MYO16: variants seen among roughly 807,000 people sequenced by gnomAD.
The protein encoded by MYO16 is unconventional myosin-XVI.
A neutral mutation model predicts 205.3 loss-of-function variants in MYO16; 94 were observed. That is an observed-to-expected ratio of 0.46 (90% CI 0.39 to 0.54). The LOEUF is 0.54. Among genes scored for constraint, MYO16 ranks in the 20% least tolerant of loss-of-function variants. The pLI, the probability that MYO16 is intolerant of heterozygous loss-of-function variation, is 0.00. For missense variants in MYO16, 2,315 were observed against 2,387.5 expected, an observed-to-expected ratio of 0.97 and a Z score of 0.63; for synonymous variants, 988 against 954.0, an observed-to-expected ratio of 1.04 and a Z score of -0.66.
chr13:108,725,882 C>T (rs1002764181), intron 3 of MYO16, among the ~76,000 whole-genome samples: 10 of 152,196 alleles, frequency 6.6e-5, no homozygotes, highest in African/African-American at 2.4e-4. Flanking sequence ...GGAACTCTCT[C>T]AAGGTAGGAG....
chr13:109,138,067 GT>G (rs1424718325), intron 31 of MYO16, among the ~76,000 whole-genome samples: 5 of 152,220 alleles, frequency 3.3e-5, no homozygotes, highest in African/African-American at 1.2e-4. Context: ...GTAAATACTG[GT>G]TGAATGCATA....
In MYO16 at chr13:108,715,224, C is replaced by T. The variant is rs563332199; in HGVS notation, c.363+2493C>T. 3.9e-5 allele frequency among the ~76,000 whole-genome samples: 6 copies of T among 152,274 alleles called. No homozygotes were observed. In the East Asian group the frequency reaches 9.6e-4, roughly 24 times the overall value. On this transcript the variant is annotated intron_variant, in intron 3 of 34. Coordinates refer to ENST00000457511, the MANE Select transcript of MYO16 (RefSeq NM_001198950.3). ...GTGCTCCTGCTCCGTGTGCTCTTGCCGGGTTTCCACCCAGCACATGCCTCT... is the reference window on the plus strand; with the variant it reads ...GTGCTCCTGCTCCGTGTGCTCTTGCTGGGTTTCCACCCAGCACATGCCTCT...
chr13:109,068,232 C>T (rs1887814679), intron 27 of MYO16, among the ~76,000 whole-genome samples: 1 of 152,154 alleles, frequency 6.6e-6, no homozygotes, highest in African/African-American at 2.4e-5. Context: ...CTTGAAGAAG[C>T]AGAGGGAAAC....
intron 28 of MYO16, among the ~76,000 whole-genome samples, chr13:109,113,148 A>G (rs1875490110): frequency 6.6e-6 from 1 of 152,242 alleles, no homozygotes; most frequent in African/African-American, 2.4e-5. Flanking sequence ...AGAGTAAGTA[A>G]GCTTGAATGT....
At chr13:108,722,962 C>T (rs1482480652) in intron 3 of MYO16, among the ~76,000 whole-genome samples, 1 of 152,094 alleles carries the variant, frequency 6.6e-6, no homozygotes, top group Non-Finnish European at 1.5e-5. Flanking sequence ...TCGCATTTGT[C>T]ATTGCACCTA....
intron 21 of MYO16, among the ~76,000 whole-genome samples, chr13:108,994,407 A>G (rs995404370): frequency 6.6e-6 from 1 of 152,200 alleles, no homozygotes; most frequent in African/African-American, 2.4e-5. Context: ...ATTTAGAAGA[A>G]TAAAATTATT....
chr13:108,656,324 C>A lies in MYO16; in HGVS notation c.29-9562C>A, dbSNP rs190069511. 1.4e-4 allele frequency among the ~76,000 whole-genome samples: 22 copies of A among 152,296 alleles called. 2 individuals are homozygous for A. The highest frequency in any genetic ancestry group is 5.1e-4 in the African/African-American group (21 of 41,556). ...TCTTCCTCATTTTCTCTCGCCACTG[C>A]CATGTTAAGAAGTGCCTTTTGCCTC... is the stretch of plus-strand genomic sequence containing the variant. On this transcript the variant is annotated intron_variant, in intron 1 of 34. Transcript: ENST00000457511.
At chr13:109,182,967 G>A (rs938679499) in intron 34 of MYO16, among the ~76,000 whole-genome samples, 20 of 152,190 alleles carry the variant, frequency 1.3e-4, no homozygotes, top group Admixed American at 2.0e-4. Context: ...GAATAAAACT[G>A]GCTGTGAGAT....
intron 18 of MYO16, 37 bp downstream of exon 18, chr13:108,961,693 G>A (rs41275068): frequency 1.4e-4 from 209 of 1,506,018 alleles, no homozygotes; most frequent in Non-Finnish European, 1.8e-4. Flanking sequence ...TAACCACATT[G>A]ATGTGCAATT....
intron 2 of MYO16, among the ~76,000 whole-genome samples, chr13:108,702,654 T>C (rs770348876): frequency 6.6e-6 from 1 of 152,150 alleles, no homozygotes; most frequent in Non-Finnish European, 1.5e-5. Context: ...CAGTATTGCC[T>C]ATTTTTGTTA....
intron 13 of MYO16, among the ~76,000 whole-genome samples, chr13:108,886,985 C>G (rs1879929820): frequency 6.6e-6 from 1 of 152,188 alleles, no homozygotes; most frequent in South Asian, 2.1e-4. Context: ...CATGCTTTCT[C>G]CATTTTTACG....
At chr13:108,552,222 A>G in the MYO16 span, among the ~76,000 whole-genome samples, 1 of 152,148 alleles carries the variant, frequency 6.6e-6, no homozygotes, top group South Asian at 2.1e-4. Context: ...CATGGTTTTC[A>G]TGTACTTTTC....
rs546626310 is a variant in MYO16 at position 108,606,360 on chromosome 13, G to C, written c.-39+10121G>C. ...AGGCCTAGGAGGGAAAAATGGTTTT[G>C]TGTGTCAGCCTCAGGGCCCCCTTTC... On this transcript the variant is annotated intron_variant, in intron 1 of 24. Transcript: ENST00000251041. 2.0e-5 allele frequency among the ~76,000 whole-genome samples: 3 copies of C among 152,270 alleles called. No homozygotes were observed. The East Asian group carries it at 5.8e-4, about 29-fold the overall frequency.
At chr13:108,764,532 C>CAATA (rs1341677985) in intron 4 of MYO16, among the ~76,000 whole-genome samples, 1 of 151,962 alleles carries the variant, frequency 6.6e-6, no homozygotes, top group African/African-American at 2.4e-5. Context: ...AGGCTTTAGT[C>CAATA]AATAAATAAA....
chr13:109,065,713 GCT>G, intron 27 of MYO16: 1 of 345,830 alleles, frequency 2.9e-6, no homozygotes, highest in Middle Eastern at 3.9e-4. Flanking sequence ...TGGTCCTATG[GCT>G]CTCTCTCAAG....
intron 1 of MYO16, among the ~76,000 whole-genome samples, chr13:108,611,958 C>CT (rs1355504552): frequency 3.7e-3 from 373 of 101,830 alleles, no homozygotes; most frequent in African/African-American, 0.012. Context: ...AGGTAATATT[C>CT]TTTTTTTTTT....
intron 15 of MYO16, among the ~76,000 whole-genome samples, chr13:108,901,132 A>G (rs989595387): frequency 2.0e-5 from 3 of 152,186 alleles, no homozygotes; most frequent in African/African-American, 4.8e-5. Context: ...GTTATCAATG[A>G]CAATGGGTGC....
chr13:108,800,549 G>C (rs189813738), intron 6 of MYO16, among the ~76,000 whole-genome samples: 123 of 152,150 alleles, frequency 8.1e-4, no homozygotes, highest in African/African-American at 2.9e-3. Flanking sequence ...TCTCACTTTG[G>C]GATATGATTT....
chr13:108,631,793 G>T (rs968519413), intron 1 of MYO16, among the ~76,000 whole-genome samples: 7 of 152,148 alleles, frequency 4.6e-5, no homozygotes, highest in Non-Finnish European at 8.8e-5. Flanking sequence ...AAATATAGAA[G>T]AAGGCCGGGC....
Sources: gnomAD v4.1 joint callset for allele counts (sites outside exome capture counted in the v4.1 genomes callset) on GRCh38, gnomAD v4.1.1 for gene constraint, MANE v1.5 for transcripts, NCBI Gene and HGNC (gene_info 2026-07-23, HGNC 2026-07-21) for gene names.